MEIS3: variants seen among roughly 807,000 people sequenced by gnomAD.
The protein encoded by MEIS3 is Meis homeobox 3.
MEIS3 carries 38 observed loss-of-function variants against 51.4 expected under a neutral mutation model. The ratio of observed to expected loss-of-function variants is 0.74; its 90% CI spans 0.57 to 0.97. The LOEUF (loss-of-function observed/expected upper bound fraction) is 0.97. Ranked by LOEUF, MEIS3 falls within the 50% of genes least tolerant of loss-of-function variation. The pLI is 0.00. For synonymous variants in MEIS3, 198 were observed against 201.8 expected (o/e 0.98, Z 0.16); for missense variants, 456 against 502.6 (o/e 0.91, Z 0.89).
At chr19:47,420,940 ACT>A (rs71180840), upstream of MEIS3, among the ~76,000 whole-genome samples, 28 of 90,996 alleles carry the variant, frequency 3.1e-4, no homozygotes, top group South Asian at 2.3e-3. Context: ...ACACACACAC[ACT>A]CTCTCTCTCT....
At chr19:47,411,853 T>TC (rs1462643473) in intron 6 of MEIS3, among the ~76,000 whole-genome samples, 1 of 151,834 alleles carries the variant, frequency 6.6e-6, no homozygotes, top group Non-Finnish European at 1.5e-5. Context: ...TCTTTTTTTT[T>TC]TCTTTGAAGA....
chr19:47,407,669 C>G, intron 8 of MEIS3: 1 of 976,428 alleles, frequency 1.0e-6, no homozygotes, highest in South Asian at 2.0e-5. Flanking sequence ...CTGGCCAGCT[C>G]TGATTAGAGA....
chr19:47,410,529 G>A (rs1236798637), intron 6 of MEIS3, among the ~76,000 whole-genome samples: 1 of 151,890 alleles, frequency 6.6e-6, no homozygotes, highest in East Asian at 1.9e-4. Context: ...CACTGTGGGA[G>A]GCCCAGGCGG....
At chr19:47,410,452 CAA>C (rs562672336) in intron 6 of MEIS3, among the ~76,000 whole-genome samples, 11 of 61,228 alleles carry the variant, frequency 1.8e-4, no homozygotes, top group East Asian at 4.6e-4. Context: ...GACTACGTCT[CAA>C]AAAAAAAAAA....
chr19:47,406,546 G>A lies in MEIS3; in HGVS notation c.1079-20C>T. ...CTGATCCTGGAAGACAAAAAAAAAG[G>A]AGGGTAAGTGCGTCTTTCAGAGACA... On this transcript the variant is annotated intron_variant, in intron 11 of 12. Transcript: ENST00000558555. 1 of 1,613,688 alleles carries A rather than the reference G, an allele frequency of 6.2e-7. No individual in the cohort carries two copies. Among genetic ancestry groups the A allele is most frequent in the Admixed American group, 1.7e-5 (1 of 60,006 alleles).
intron 9 of MEIS3, 94 bp downstream of exon 9, chr19:47,407,258 G>C: frequency 6.7e-7 from 1 of 1,501,416 alleles, no homozygotes; most frequent in Non-Finnish European, 9.0e-7. Flanking sequence ...AGCAGGGGCA[G>C]TGGCTCTGCG....
intron 1 of MEIS3, chr19:47,417,777 C>A: frequency 1.6e-6 from 1 of 636,022 alleles, no homozygotes. Flanking sequence ...TATTTCATTT[C>A]ACAGTTGGCA....
intron 1 of MEIS3, 31 bp from the exon 2 acceptor site, chr19:47,417,381 C>A (rs755502170): frequency 2.5e-6 from 4 of 1,612,150 alleles, no homozygotes; most frequent in Non-Finnish European, 3.4e-6. Flanking sequence ...AAGGGCGGAG[C>A]CCCAGGGAGG....
intron 4 of MEIS3, among the ~76,000 whole-genome samples, chr19:47,415,676 C>T (rs1479533378): frequency 2.0e-5 from 3 of 149,396 alleles, no homozygotes; most frequent in Non-Finnish European, 3.0e-5. Context: ...CAGGTTCAAG[C>T]GATTCTCCTG....
At chr19:47,416,730 G>C in intron 3 of MEIS3, 28 bp from the exon 4 acceptor site, 2 of 1,608,824 alleles carry the variant, frequency 1.2e-6, no homozygotes, top group Non-Finnish European at 1.7e-6. Context: ...GGCCGGCAGG[G>C]GGATGTCCCG....
intron 8 of MEIS3, 130 bp from the exon 9 acceptor site, chr19:47,407,558 T>C: frequency 2.6e-6 from 4 of 1,556,864 alleles, no homozygotes; most frequent in Non-Finnish European, 3.5e-6. Context: ...CCGGCGCTTC[T>C]GAGCGTCTCT....
upstream of MEIS3, among the ~76,000 whole-genome samples, chr19:47,420,522 A>AGAGAGAGAGACAGACGCGGGTGGGAG (rs1971664494): frequency 5.2e-5 from 4 of 76,262 alleles, no homozygotes; most frequent in African/African-American, 3.9e-4. Flanking sequence ...GGTGTGATTC[A>AGAGAGAGAGACAGACGCGGGTGGGAG]GAGAGAGAGA....
intron 6 of MEIS3, among the ~76,000 whole-genome samples, chr19:47,411,382 A>G (rs1971123902): frequency 6.7e-6 from 1 of 148,398 alleles, no homozygotes; most frequent in African/African-American, 2.5e-5. Flanking sequence ...GGAATAAATA[A>G]AGGCTATAAA....
chr19:47,420,349 A>C (rs997124584), upstream of MEIS3, among the ~76,000 whole-genome samples: 17 of 152,090 alleles, frequency 1.1e-4, no homozygotes, highest in African/African-American at 4.1e-4. Flanking sequence ...GGTGCATGCT[A>C]AGGTCCCCTT....
chr19:47,413,656 T>C (rs569312254), intron 6 of MEIS3, among the ~76,000 whole-genome samples: 1 of 152,094 alleles, frequency 6.6e-6, no homozygotes, highest in East Asian at 1.9e-4. Flanking sequence ...TCTGGTGTCC[T>C]AAGTGGATAA....
intron 6 of MEIS3, among the ~76,000 whole-genome samples, chr19:47,412,571 T>C (rs1971188984): frequency 6.6e-6 from 1 of 151,770 alleles, no homozygotes; most frequent in Non-Finnish European, 1.5e-5. Flanking sequence ...GTTGTTTGTT[T>C]GTTTTTTTGA....
rs905947474 is a variant in MEIS3, at chr19:47,403,504, C to T, written c.*67G>A. 2.2e-6 allele frequency: 1 copy of T among 455,732 alleles called. No individual in the cohort carries two copies. The highest frequency in any genetic ancestry group is 7.0e-5 in the East Asian group (1 of 14,348). 28.2% of individuals were successfully genotyped at this position (455,732 alleles called of 1,614,324 possible). A position where few individuals can be genotyped will look rare whatever the true frequency, so the allele number is the denominator to read the frequency against. On this transcript the variant is annotated 3_prime_UTR_variant, in exon 13 of 13. Coordinates refer to ENST00000558555, the MANE Select transcript of MEIS3 (RefSeq NM_001301059.2). ...GGGGTCCTGAAGCTGGAGGACCAGG[C>T]GGGAACCAGAGGCAGGTGTGAGGCT...
upstream of MEIS3, among the ~76,000 whole-genome samples, chr19:47,422,127 G>A (rs1599837501): frequency 6.6e-6 from 1 of 151,236 alleles, no homozygotes; most frequent in Non-Finnish European, 1.5e-5. Context: ...TGGCTCATTC[G>A]TCACCGGCCC....
chr19:47,408,472 C>CTG (rs1568421419), intron 8 of MEIS3, among the ~76,000 whole-genome samples: 1 of 151,946 alleles, frequency 6.6e-6, no homozygotes, highest in Non-Finnish European at 1.5e-5. Flanking sequence ...CTCACTATCT[C>CTG]TGTGTGTGTG....
Sources: allele counts gnomAD v4.1 joint callset (sites outside exome capture counted in the v4.1 genomes callset), GRCh38; gene constraint gnomAD v4.1.1; transcripts MANE v1.5; gene names NCBI Gene and HGNC (gene_info 2026-07-23, HGNC 2026-07-21).